The following DYSF variants were observed in gnomAD, a reference collection of about 807,000 sequenced individuals.
DYSF encodes dystrophy-associated fer-1-like 1.
In DYSF, 212 loss-of-function variants were observed where a neutral mutation model predicts 274.9. That is an observed-to-expected ratio of 0.77 (90% confidence interval 0.69 to 0.86). The LOEUF (loss-of-function observed/expected upper bound fraction) is 0.86. Among genes scored for constraint, DYSF ranks in the 40% least tolerant of loss-of-function variants. The probability of loss-of-function intolerance (pLI) is 0.00; values close to 1 mark genes in which losing one functional copy is unlikely to be tolerated. For synonymous variants in DYSF, 1,091 were observed against 1,078.7 expected (o/e 1.01, Z -0.22); for missense variants, 2,666 against 2,783.2 (o/e 0.96, Z 0.95).
chr2:71,659,690 G>T (rs530359735), intron 44 of DYSF, among the ~76,000 whole-genome samples: 1 of 152,336 alleles, frequency 6.6e-6, no homozygotes, highest in South Asian at 2.1e-4. Flanking sequence ...AGATAAGTGC[G>T]TGAGCTGTCT....
At chr2:71,577,533 C>T (rs1390696500) in intron 30 of DYSF, among the ~76,000 whole-genome samples, 2 of 147,746 alleles carry the variant, frequency 1.4e-5, no homozygotes, top group Non-Finnish European at 3.0e-5. Flanking sequence ...CCCCCCCACT[C>T]TCACACTAAC....
upstream of DYSF, among the ~76,000 whole-genome samples, chr2:71,465,254 C>G (rs966398566): frequency 6.6e-6 from 1 of 152,024 alleles, no homozygotes; most frequent in Admixed American, 6.6e-5. Flanking sequence ...GCCCAAGTGT[C>G]CAGTTGTTAC....
At chr2:71,620,653 T>C (rs1338222840) in intron 41 of DYSF, 44 bp downstream of exon 41, 1 of 917,596 alleles carries the variant, frequency 1.1e-6, no homozygotes, top group Admixed American at 3.3e-5. Context: ...TATTCCCTTG[T>C]GGGGCTGGGG....
At chr2:71,659,536 G>A (rs1418285273) in intron 44 of DYSF, among the ~76,000 whole-genome samples, 2 of 152,044 alleles carry the variant, frequency 1.3e-5, no homozygotes, top group Non-Finnish European at 2.9e-5. Context: ...AGGGAATGCT[G>A]GTAACACTCA....
intron 3 of DYSF, among the ~76,000 whole-genome samples, chr2:71,502,724 C>T (rs1021792715): frequency 6.6e-6 from 1 of 152,196 alleles, no homozygotes; most frequent in Non-Finnish European, 1.5e-5. Context: ...TCTCCCTGTC[C>T]CTGAAGACAG....
chr2:71,611,209 C>T, intron 36 of DYSF, 36 bp from the exon 37 acceptor site: 1 of 1,509,162 alleles, frequency 6.6e-7, no homozygotes, highest in South Asian at 1.1e-5. Context: ...GTCTTCCTTC[C>T]ACCTTTGTCT....
chr2:71,611,867 C>T (rs542872853), intron 38 of DYSF, among the ~76,000 whole-genome samples: 1 of 152,298 alleles, frequency 6.6e-6, no homozygotes, highest in Non-Finnish European at 1.5e-5. Flanking sequence ...CAGCGAAAGT[C>T]CCAAGGAGAC....
At chr2:71,500,615 C>G (rs1386217183) in intron 3 of DYSF, among the ~76,000 whole-genome samples, 1 of 152,140 alleles carries the variant, frequency 6.6e-6, no homozygotes, top group Admixed American at 6.5e-5. Context: ...CGGGAATTCT[C>G]CCTGGGCTGG....
intron 17 of DYSF, among the ~76,000 whole-genome samples, chr2:71,548,770 G>C (rs1049766541): frequency 6.6e-6 from 1 of 152,192 alleles, no homozygotes; most frequent in Admixed American, 6.5e-5. Context: ...GCCAGTGCCT[G>C]CTGTTGTGAA....
intron 33 of DYSF, among the ~76,000 whole-genome samples, chr2:71,600,051 C>T (rs888629796): frequency 6.6e-6 from 1 of 152,054 alleles, no homozygotes; most frequent in Admixed American, 6.5e-5. Context: ...CGGGGGGACT[C>T]GGCAGGACTG....
intron 55 of DYSF, 22 bp downstream of exon 55, chr2:71,682,699 G>A (rs912056208): frequency 1.2e-6 from 2 of 1,609,840 alleles, no homozygotes; most frequent in African/African-American, 1.3e-5. Flanking sequence ...TGACGACACT[G>A]TGGTGGGGGA....
chr2:71,667,267 A>G, intron 47 of DYSF, 109 bp from the exon 48 acceptor site: 1 of 1,531,698 alleles, frequency 6.5e-7, no homozygotes, highest in East Asian at 2.3e-5. Flanking sequence ...TGCGGGGGTT[A>G]GAGCTTCTTA....
At chr2:71,470,786 TTCCTTCCTTC>T (rs1318992666) in intron 1 of DYSF, among the ~76,000 whole-genome samples, 21 of 122,996 alleles carry the variant, frequency 1.7e-4, no homozygotes, top group African/African-American at 6.6e-4. Flanking sequence ...CCTTCCTTCA[TTCCTTCCTTC>T]TTTTTTTTTT....
intron 1 of DYSF, among the ~76,000 whole-genome samples, chr2:71,458,130 G>A (rs573168638): frequency 3.3e-4 from 50 of 152,288 alleles, no homozygotes; most frequent in African/African-American, 1.2e-3. Context: ...TTCCTTATCT[G>A]TAAAGTGTTG....
chr2:71,488,691 A>G (rs2083556248), intron 3 of DYSF, among the ~76,000 whole-genome samples: 1 of 152,184 alleles, frequency 6.6e-6, no homozygotes, highest in African/African-American at 2.4e-5. Context: ...CAAGTGTTAT[A>G]GGAGGAGGTC....
chr2:71,507,613 G>A (rs185613035), intron 4 of DYSF, among the ~76,000 whole-genome samples: 17 of 152,260 alleles, frequency 1.1e-4, no homozygotes, highest in East Asian at 3.9e-4. Flanking sequence ...GCACGTGTGC[G>A]CGCACACACA....
At chr2:71,607,833 A>T (rs1474469381) in intron 36 of DYSF, among the ~76,000 whole-genome samples, 2 of 152,148 alleles carry the variant, frequency 1.3e-5, no homozygotes, top group Non-Finnish European at 2.9e-5. Flanking sequence ...CCAGTTTTGG[A>T]CAAGTTCAGT....
At chr2:71,628,600 C>T (rs2152905431) in intron 41 of DYSF, among the ~76,000 whole-genome samples, 1 of 152,096 alleles carries the variant, frequency 6.6e-6, no homozygotes, top group African/African-American at 2.4e-5. Context: ...TTTCTGGCTT[C>T]CATTGTGCTA....
intron 35 of DYSF, among the ~76,000 whole-genome samples, chr2:71,601,854 T>C (rs1046979102): frequency 6.6e-6 from 1 of 152,206 alleles, no homozygotes; most frequent in Admixed American, 6.5e-5. Context: ...TTAATGCACA[T>C]CCAGGACTGA....
Sources: gnomAD v4.1 joint callset for allele counts (sites outside exome capture counted in the v4.1 genomes callset) on GRCh38, gnomAD v4.1.1 for gene constraint, MANE v1.5 for transcripts, NCBI Gene and HGNC (gene_info 2026-07-23, HGNC 2026-07-21) for gene names.